The following ARB2A variants were observed in gnomAD, a reference collection of about 807,000 sequenced individuals.
The protein encoded by ARB2A is ARB2 cotranscriptional regulator A.
At chr5:93,712,189 A>G in the ARB2A span, among the ~76,000 whole-genome samples, 1 of 152,206 alleles carries the variant, frequency 6.6e-6, no homozygotes. Flanking sequence ...CCATTAGGCT[A>G]TGTAGGCAAA....
the ARB2A span, among the ~76,000 whole-genome samples, chr5:93,802,981 A>G: frequency 6.6e-6 from 1 of 152,118 alleles, no homozygotes; most frequent in Non-Finnish European, 1.5e-5. Context: ...GTAGATGGAC[A>G]TATTTACATT....
chr5:93,855,906 A>G, the ARB2A span, among the ~76,000 whole-genome samples: 2 of 151,928 alleles, frequency 1.3e-5, no homozygotes, highest in African/African-American at 2.4e-5. Context: ...AAAGCAGAGC[A>G]CCTCTCCTCC....
chr5:94,011,443 T>C, the ARB2A span, among the ~76,000 whole-genome samples: 6 of 152,220 alleles, frequency 3.9e-5, no homozygotes, highest in East Asian at 1.2e-3. Context: ...GGGATGTTTG[T>C]ATGTTTTGTT....
the ARB2A span, chr5:93,824,116 C>T: frequency 1.3e-6 from 2 of 1,501,856 alleles, no homozygotes; most frequent in South Asian, 1.4e-5. Context: ...TACAAGGAGA[C>T]TGGAACTACA....
the ARB2A span, among the ~76,000 whole-genome samples, chr5:93,958,032 T>C: frequency 9.1e-4 from 138 of 152,090 alleles, no homozygotes; most frequent in African/African-American, 3.2e-3. Flanking sequence ...GGCTGTTCAC[T>C]ATGGAACTTA....
At chr5:94,015,772 C>T in the ARB2A span, among the ~76,000 whole-genome samples, 2 of 151,756 alleles carry the variant, frequency 1.3e-5, no homozygotes, top group African/African-American at 4.8e-5. Flanking sequence ...CTCATGATAA[C>T]CACAATGTAA....
At chr5:93,959,017 A>G in the ARB2A span, 1 of 1,258,222 alleles carries the variant, frequency 7.9e-7, no homozygotes, top group Non-Finnish European at 1.1e-6. Context: ...CTGATCAGGC[A>G]TACACATAAA....
At chr5:93,870,354 T>G in the ARB2A span, among the ~76,000 whole-genome samples, 2,379 of 152,332 alleles carry the variant, frequency 0.016, 27 homozygotes, top group Non-Finnish European at 0.022. Context: ...CTATTTCAGT[T>G]TACATCGCCG....
chr5:93,695,355 C>A, the ARB2A span, among the ~76,000 whole-genome samples: 1 of 151,752 alleles, frequency 6.6e-6, no homozygotes, highest in Non-Finnish European at 1.5e-5. Context: ...AAAAACCATC[C>A]CACCAAAAAG....
At chr5:93,731,831 A>G in the ARB2A span, among the ~76,000 whole-genome samples, 15 of 152,232 alleles carry the variant, frequency 9.9e-5, no homozygotes, top group Non-Finnish European at 1.9e-4. Flanking sequence ...CAGTTTTAAA[A>G]AAGAATATTG....
At chr5:94,017,208 A>C in the ARB2A span, among the ~76,000 whole-genome samples, 143 of 152,300 alleles carry the variant, frequency 9.4e-4, no homozygotes, top group African/African-American at 3.2e-3. Flanking sequence ...ATGCATGTGT[A>C]AGGTGCCAGA....
chr5:93,649,822 G>A, the ARB2A span, among the ~76,000 whole-genome samples: 13 of 152,232 alleles, frequency 8.5e-5, no homozygotes, highest in East Asian at 1.9e-3. Context: ...TAAAGATAAT[G>A]TCACAGGTCC....
At chr5:94,014,776 A>C in the ARB2A span, among the ~76,000 whole-genome samples, 1 of 151,700 alleles carries the variant, frequency 6.6e-6, no homozygotes, top group Non-Finnish European at 1.5e-5. Context: ...AGGGGCTATC[A>C]ACAGCAAAAT....
the ARB2A span, among the ~76,000 whole-genome samples, chr5:93,938,409 T>C: frequency 6.6e-6 from 1 of 152,206 alleles, no homozygotes; most frequent in African/African-American, 2.4e-5. Context: ...GGTCACTATT[T>C]TAATTGTTTA....
the ARB2A span, among the ~76,000 whole-genome samples, chr5:93,629,201 C>T: frequency 6.6e-6 from 1 of 152,124 alleles, no homozygotes; most frequent in Non-Finnish European, 1.5e-5. Context: ...GCCAATCCAA[C>T]GAGTAGTCAG....
chr5:94,080,624 G>A, the ARB2A span, among the ~76,000 whole-genome samples: 1 of 152,124 alleles, frequency 6.6e-6, no homozygotes, highest in East Asian at 1.9e-4. Context: ...TTCATCCTAG[G>A]TCATACCTTT....
the ARB2A span, among the ~76,000 whole-genome samples, chr5:93,669,487 T>C: frequency 3.8e-5 from 4 of 104,946 alleles, no homozygotes; most frequent in African/African-American, 1.7e-4. Flanking sequence ...ACTCAGCCAT[T>C]TAAAAAAAGT....
chr5:93,827,841 T>A, the ARB2A span, among the ~76,000 whole-genome samples: 3 of 152,044 alleles, frequency 2.0e-5, no homozygotes, highest in Non-Finnish European at 4.4e-5. Context: ...CAGCACCATT[T>A]ATTAAATAGG....
At chr5:93,773,869 G>A in the ARB2A span, among the ~76,000 whole-genome samples, 25 of 152,298 alleles carry the variant, frequency 1.6e-4, no homozygotes, top group African/African-American at 5.3e-4. Flanking sequence ...TTAGGCCCAC[G>A]TGATCCTCTT....
Sources: gnomAD v4.1 joint callset for allele counts (sites outside exome capture counted in the v4.1 genomes callset) on GRCh38, gnomAD v4.1.1 for gene constraint, MANE v1.5 for transcripts, NCBI Gene and HGNC (gene_info 2026-07-23, HGNC 2026-07-21) for gene names.